Variants in UBR1 observed in about 807,000 individuals in gnomAD.
UBR1 encodes ubiquitin protein ligase E3 component n-recognin 1, also known as E3 ubiquitin-protein ligase UBR1.
Under a neutral mutation model 242.1 loss-of-function variants are expected in UBR1, and 102 were observed. The ratio of observed to expected loss-of-function variants is 0.42; its 90% CI spans 0.36 to 0.50. The LOEUF (loss-of-function observed/expected upper bound fraction) is 0.50. UBR1 is among the 20% of genes least tolerant of loss of function. The pLI, the probability that UBR1 is intolerant of heterozygous loss-of-function variation, is 0.01. For missense variants in UBR1, 1,772 were observed against 2,101.8 expected, an observed-to-expected ratio of 0.84 and a Z score of 3.07; for synonymous variants, 675 against 684.8, an observed-to-expected ratio of 0.99 and a Z score of 0.22.
At chr15:42,958,483 A>AAT (rs2031959628) in intron 43 of UBR1, among the ~76,000 whole-genome samples, 1 of 152,188 alleles carries the variant, frequency 6.6e-6, no homozygotes, top group African/African-American at 2.4e-5. Flanking sequence ...CTAGGGATAA[A>AAT]ATATACCATA....
At chr15:42,959,325 G>A (rs956227289) in intron 43 of UBR1, among the ~76,000 whole-genome samples, 2 of 152,072 alleles carry the variant, frequency 1.3e-5, no homozygotes, top group African/African-American at 4.8e-5. Flanking sequence ...CTGAGTAGCT[G>A]GGACTACAGG....
At chr15:43,036,473 A>G in intron 18 of UBR1, 55 bp downstream of exon 18, 1 of 1,354,264 alleles carries the variant, frequency 7.4e-7, no homozygotes, top group Non-Finnish European at 1.1e-6. Flanking sequence ...CTCCTTAGAA[A>G]GAATTCAAGA....
intron 39 of UBR1, among the ~76,000 whole-genome samples, chr15:42,972,019 C>T (rs1381856): frequency 0.86 from 130,433 of 152,110 alleles, 56,019 homozygotes; most frequent in Non-Finnish European, 0.89. Context: ...CATTGCCACA[C>T]CATTATCACC....
Position 43,038,003 on chromosome 15 carries a change from A to G in UBR1, c.1912-120T>C. ...AAAATGGAAGAGCTTGAACTAGATG[A>G]CGTCTAAGTCCCTGTGACTCAGATT... On this transcript the variant is annotated intron_variant, in intron 16 of 46. Coordinates refer to ENST00000290650, the MANE Select transcript of UBR1 (RefSeq NM_174916.3). 4.2e-6 allele frequency: 5 copies of G among 1,190,014 alleles called. No individual in the cohort carries two copies. In the South Asian group the frequency reaches 5.2e-5, roughly 12 times the overall value. 73.7% of individuals were successfully genotyped at this position (1,190,014 alleles called of 1,614,324 possible). A position where few individuals can be genotyped will look rare whatever the true frequency, so the allele number is the denominator to read the frequency against.
intron 1 of UBR1, among the ~76,000 whole-genome samples, chr15:43,090,550 T>C (rs1655342513): frequency 6.6e-6 from 1 of 151,962 alleles, no homozygotes; most frequent in African/African-American, 2.4e-5. Flanking sequence ...CAACTACAAC[T>C]AACATAGAGA....
rs771483667 is a variant in UBR1, at chr15:43,022,658, G to A, written c.2839+44C>T. 3.6e-6 allele frequency: 5 copies of A among 1,392,798 alleles called. No homozygotes were observed. The Admixed American group carries it at 8.5e-5, about 24-fold the overall frequency. The allele number at this position is 1,392,798 out of a possible 1,614,324, so 86.3% of individuals were successfully genotyped here. On this transcript the variant is annotated intron_variant, in intron 26 of 46. Transcript: ENST00000290650. ...ACAAATTAAAACTCCTTAAGATCTA[G>A]ACTTTCAATGACAAATGTGTTGAAG...
intron 4 of UBR1, among the ~76,000 whole-genome samples, chr15:43,072,105 G>C (rs2033830892): frequency 6.6e-6 from 1 of 152,078 alleles, no homozygotes; most frequent in African/African-American, 2.4e-5. Context: ...ACCCACTTCA[G>C]CCTCCCAAAG....
At chr15:43,039,603 A>G (rs972794154) in intron 15 of UBR1, among the ~76,000 whole-genome samples, 3 of 152,334 alleles carry the variant, frequency 2.0e-5, no homozygotes, top group African/African-American at 7.2e-5. Context: ...TTTTATAAAT[A>G]TACAATCATG....
intron 1 of UBR1, among the ~76,000 whole-genome samples, chr15:43,095,972 C>A (rs1394148587): frequency 6.6e-6 from 1 of 152,154 alleles, no homozygotes; most frequent in Non-Finnish European, 1.5e-5. Flanking sequence ...TATGTTTACA[C>A]TACACTATAC....
At chr15:43,100,132 C>A (rs978077848) in intron 1 of UBR1, among the ~76,000 whole-genome samples, 1 of 152,174 alleles carries the variant, frequency 6.6e-6, no homozygotes, top group African/African-American at 2.4e-5. Flanking sequence ...ACCTCGGCCT[C>A]CCAAAGTGCT....
intron 41 of UBR1, 64 bp from the exon 42 acceptor site, chr15:42,964,107 G>T: frequency 9.0e-7 from 1 of 1,116,984 alleles, no homozygotes; most frequent in Non-Finnish European, 1.3e-6. Flanking sequence ...CTGTGCATTA[G>T]AGTTTCTTCA....
chr15:43,004,528 G>A (rs562025978), intron 30 of UBR1, among the ~76,000 whole-genome samples: 2 of 152,322 alleles, frequency 1.3e-5, no homozygotes, highest in South Asian at 2.1e-4. Flanking sequence ...GCAGGCACAC[G>A]CCGCCACGCC....
intron 37 of UBR1, among the ~76,000 whole-genome samples, chr15:42,978,732 C>CTTTTT (rs530091685): frequency 3.7e-5 from 5 of 134,212 alleles, no homozygotes; most frequent in South Asian, 2.3e-4. Flanking sequence ...CTTTTCTTTT[C>CTTTTT]TTTTTTTTTT....
At position 43,037,726 on chromosome 15, in the gene UBR1, T is replaced by C. The variant is rs116480362; in HGVS notation, c.2022+47A>G. On this transcript the variant is annotated intron_variant, in intron 17 of 46. Transcript: ENST00000290650. Reference sequence around the variant, plus strand: ...GTAAAATCATATAAGAGAAAAAAATTAGAAAATGAGCACATTCATAAATAT... The same window carrying C: ...GTAAAATCATATAAGAGAAAAAAATCAGAAAATGAGCACATTCATAAATAT... 2,509 of 1,547,860 alleles carry C rather than the reference T, an allele frequency of 1.6e-3. 29 individuals carry two copies. The African/African-American group carries it at 0.03, about 19-fold the overall frequency.
intron 33 of UBR1, among the ~76,000 whole-genome samples, chr15:42,993,824 C>T (rs1479151369): frequency 6.7e-6 from 1 of 149,528 alleles, no homozygotes; most frequent in East Asian, 2.0e-4. Flanking sequence ...GGGGGCAGAG[C>T]GAGACTCCAT....
chr15:43,077,278 T>A (rs947853889), intron 3 of UBR1, among the ~76,000 whole-genome samples: 1 of 151,866 alleles, frequency 6.6e-6, no homozygotes, highest in Admixed American at 6.6e-5. Context: ...GAAGTAGACA[T>A]GGGAGACTTT....
intron 5 of UBR1, 148 bp from the exon 6 acceptor site, chr15:43,068,184 A>ATTTT (rs545130203): frequency 1.6e-5 from 4 of 254,970 alleles, no homozygotes; most frequent in East Asian, 1.0e-4. Flanking sequence ...ATAGAATTTG[A>ATTTT]TTTTTTTTTT....
chr15:43,089,214 T>C (rs1289236713), intron 1 of UBR1, among the ~76,000 whole-genome samples: 1 of 149,494 alleles, frequency 6.7e-6, no homozygotes, highest in East Asian at 2.0e-4. Context: ...TGATGCTGGC[T>C]GGGTGAGGTG....
chr15:43,007,316 CAT>C, intron 29 of UBR1, 32 bp from the exon 30 acceptor site: 1 of 1,606,154 alleles, frequency 6.2e-7, no homozygotes, highest in Non-Finnish European at 8.5e-7. Context: ...AATGAGGACA[CAT>C]GTTTTGGTCA....
Sources: allele counts gnomAD v4.1 joint callset (sites outside exome capture counted in the v4.1 genomes callset), GRCh38; gene constraint gnomAD v4.1.1; transcripts MANE v1.5; gene names NCBI Gene and HGNC (gene_info 2026-07-23, HGNC 2026-07-21).